ELP4: variants seen among roughly 807,000 people sequenced by gnomAD.
ELP4 encodes elongator complex protein 4.
Under a neutral mutation model 48.9 loss-of-function variants are expected in ELP4, and 51 were observed. That is an observed-to-expected ratio of 1.04 (90% CI 0.83 to 1.32). The LOEUF (loss-of-function observed/expected upper bound fraction) is 1.32, where lower values mean the gene tolerates loss of function less well. Among genes scored for constraint, ELP4 ranks in the 40% most tolerant of loss-of-function variants. The probability of loss-of-function intolerance (pLI) is 0.00; values close to 1 mark genes in which losing one functional copy is unlikely to be tolerated. For missense variants in ELP4, 519 were observed against 514.6 expected (o/e 1.01, Z -0.08); for synonymous variants, 210 against 189.2 (o/e 1.11, Z -0.90).
intron 9 of ELP4, among the ~76,000 whole-genome samples, chr11:31,778,703 A>G (rs944130610): frequency 1.3e-5 from 2 of 152,244 alleles, no homozygotes; most frequent in African/African-American, 4.8e-5. Context: ...TTCTGAGGTT[A>G]CGTGGAGAGT....
intron 9 of ELP4, among the ~76,000 whole-genome samples, chr11:31,668,806 A>G (rs1440398986): frequency 6.6e-6 from 1 of 151,886 alleles, no homozygotes; most frequent in Non-Finnish European, 1.5e-5. Flanking sequence ...ATTTTGATAT[A>G]CATACTGAGT....
chr11:31,591,830 A>C (rs972197444), intron 3 of ELP4, among the ~76,000 whole-genome samples: 15 of 152,190 alleles, frequency 9.9e-5, no homozygotes, highest in African/African-American at 3.4e-4. Context: ...CATTACTCAT[A>C]ATAACTTAAG....
chr11:31,711,142 A>C (rs1304869323), intron 9 of ELP4, among the ~76,000 whole-genome samples: 1 of 152,242 alleles, frequency 6.6e-6, no homozygotes, highest in Non-Finnish European at 1.5e-5. Context: ...GATGATACAT[A>C]AATGTAAAAA....
At chr11:31,571,767 C>T (rs970531862) in intron 3 of ELP4, among the ~76,000 whole-genome samples, 2 of 152,088 alleles carry the variant, frequency 1.3e-5, no homozygotes, top group African/African-American at 4.8e-5. Flanking sequence ...TCTTGGGTGA[C>T]CAGGTGCACT....
intron 7 of ELP4, among the ~76,000 whole-genome samples, chr11:31,634,963 A>T (rs1217500013): frequency 1.3e-5 from 2 of 151,974 alleles, no homozygotes; most frequent in Non-Finnish European, 2.9e-5. Context: ...ACGATTTTGC[A>T]AAGTTATCAT....
At chr11:31,579,955 A>G (rs2133970444) in intron 3 of ELP4, among the ~76,000 whole-genome samples, 1 of 152,226 alleles carries the variant, frequency 6.6e-6, no homozygotes, top group South Asian at 2.1e-4. Context: ...TAAAAATAAT[A>G]TAAAACAACT....
At chr11:31,755,458 A>G (rs1186549117) in intron 9 of ELP4, among the ~76,000 whole-genome samples, 2 of 152,350 alleles carry the variant, frequency 1.3e-5, no homozygotes, top group East Asian at 3.9e-4. Context: ...CAGCACCAGT[A>G]TATAAGACAT....
rs766518284 is a variant in ELP4 at position 31,789,599 on chromosome 11, A to G, written c.*6075A>G. The G allele has an allele frequency of 2.6e-4, 158 of 609,642 alleles. No homozygotes were observed. Among genetic ancestry groups the G allele is most frequent in the Non-Finnish European group, 4.0e-4 (138 of 344,988 alleles). 37.8% of individuals were successfully genotyped at this position (609,642 alleles called of 1,614,324 possible). ...TTTTAAAAAAAAAAAAAACAACTTC[A>G]TGACCAACACAGATCAAACATCCAT... is the stretch of plus-strand genomic sequence containing the variant. On this transcript the variant is annotated 3_prime_UTR_variant, in exon 10 of 10. Transcript: ENST00000640961.
chr11:31,730,874 C>A (rs191715642), intron 9 of ELP4, among the ~76,000 whole-genome samples: 3 of 151,708 alleles, frequency 2.0e-5, no homozygotes, highest in Admixed American at 1.3e-4. Flanking sequence ...TCCTGGGGGT[C>A]ACTGAGAACA....
chr11:31,739,791 C>T (rs1015400178), intron 9 of ELP4, among the ~76,000 whole-genome samples: 10 of 152,298 alleles, frequency 6.6e-5, no homozygotes, highest in African/African-American at 2.4e-4. Flanking sequence ...AAAGCAAGCA[C>T]ACAATTGTCA....
chr11:31,612,718 G>T (rs1355040447), intron 5 of ELP4, among the ~76,000 whole-genome samples: 3 of 152,084 alleles, frequency 2.0e-5, no homozygotes. Context: ...AGTAATATTG[G>T]GTGAGAATAA....
intron 9 of ELP4, among the ~76,000 whole-genome samples, chr11:31,666,004 CTTTTTTTTTT>C (rs35902758): frequency 1.2e-5 from 1 of 85,344 alleles, no homozygotes; most frequent in Non-Finnish European, 2.2e-5. Flanking sequence ...GTTTCAAATT[CTTTTTTTTTT>C]TTTTTTTTTT....
intron 9 of ELP4, among the ~76,000 whole-genome samples, chr11:31,728,762 A>G (rs1442317303): frequency 1.3e-5 from 2 of 152,240 alleles, no homozygotes; most frequent in African/African-American, 2.4e-5. Context: ...TAAATAGGAT[A>G]GCTAATGCAT....
chr11:31,778,704 C>T (rs182197546), intron 9 of ELP4, among the ~76,000 whole-genome samples: 85 of 152,282 alleles, frequency 5.6e-4, no homozygotes, highest in East Asian at 2.1e-3. Context: ...TCTGAGGTTA[C>T]GTGGAGAGTG....
Position 31,509,983 on chromosome 11 carries a change from C to T in ELP4, c.199C>T (p.Leu67Phe), listed in dbSNP as rs755726804. Residue 67 changes from leucine to phenylalanine, a missense_variant, in exon 1 of 10, where the codon CTC becomes TTC. Physicochemically the swap from Leu to Phe is conservative, Grantham distance 22. Coordinates refer to ENST00000640961, the MANE Select transcript of ELP4 (RefSeq NM_019040.5). ...TGGACAGCTGCTGGTATCAACCGGG[C>T]TCCCAGCCCTAGACCAGCTCTTAGG... ...RNGQLLVSTG[L>F]PALDQLLGGG... 1.2e-6 allele frequency: 2 copies of T among 1,612,268 alleles called. No individual in the cohort carries two copies. The highest frequency in any genetic ancestry group is 1.7e-5 in the Admixed American group (1 of 60,030).
intron 3 of ELP4, among the ~76,000 whole-genome samples, chr11:31,581,020 T>TA (rs1399217673): frequency 1.3e-4 from 20 of 152,218 alleles, no homozygotes; most frequent in Non-Finnish European, 1.8e-4. Context: ...TCCTTTCTGA[T>TA]ACATCTATTG....
chr11:31,719,609 T>A (rs1313300125), intron 9 of ELP4: 5 of 396,640 alleles, frequency 1.3e-5, no homozygotes, highest in Non-Finnish European at 2.2e-5. Flanking sequence ...AAGAAAAAAA[T>A]GTTCTATGTT....
intron 9 of ELP4, among the ~76,000 whole-genome samples, chr11:31,770,424 G>T (rs2134268349): frequency 6.6e-6 from 1 of 152,214 alleles, no homozygotes; most frequent in Admixed American, 6.5e-5. Context: ...GAGGGGGCTG[G>T]TCAGGGAGAA....
chr11:31,693,475 C>A (rs1348136693), intron 9 of ELP4, among the ~76,000 whole-genome samples: 1 of 152,136 alleles, frequency 6.6e-6, no homozygotes, highest in Non-Finnish European at 1.5e-5. Context: ...CATGTCCCTA[C>A]AAAGGACATG....
Sources: gnomAD v4.1 joint callset for allele counts (sites outside exome capture counted in the v4.1 genomes callset) on GRCh38, gnomAD v4.1.1 for gene constraint, MANE v1.5 for transcripts, NCBI Gene and HGNC (gene_info 2026-07-23, HGNC 2026-07-21) for gene names.